ATRNL1: variants seen among roughly 807,000 people sequenced by gnomAD.
ATRNL1 encodes attractin-like protein 1.
ATRNL1 carries 95 observed loss-of-function variants against 182.7 expected under a neutral mutation model. The observed-to-expected ratio is 0.52, with a 90% CI of 0.44 to 0.62. The LOEUF is 0.62. Ranked by LOEUF, ATRNL1 falls within the 20% of genes least tolerant of loss-of-function variation. The pLI, the probability that ATRNL1 is intolerant of heterozygous loss-of-function variation, is 0.00. For missense variants in ATRNL1, 1,471 were observed against 1,679.5 expected (o/e 0.88, Z 2.17); for synonymous variants, 576 against 568.3 (o/e 1.01, Z -0.19).
intron 24 of ATRNL1, among the ~76,000 whole-genome samples, chr10:115,509,305 C>A (rs1365453195): frequency 6.6e-6 from 1 of 151,986 alleles, no homozygotes; most frequent in Non-Finnish European, 1.5e-5. Context: ...TTCATGCCTG[C>A]TAACACAATA....
intron 24 of ATRNL1, among the ~76,000 whole-genome samples, chr10:115,486,300 A>G (rs759338339): frequency 6.3e-4 from 96 of 152,170 alleles, no homozygotes; most frequent in Non-Finnish European, 1.1e-3. Flanking sequence ...TTCTAGTTGC[A>G]GTTCCTTGAG....
chr10:115,774,109 C>T (rs1173894805), intron 27 of ATRNL1, among the ~76,000 whole-genome samples: 1 of 152,060 alleles, frequency 6.6e-6, no homozygotes, highest in Non-Finnish European at 1.5e-5. Context: ...CCAATAATTT[C>T]CCCAGCCCCA....
Position 115,394,739 on chromosome 10 carries a change from G to T in ATRNL1, c.3256G>T (p.Asp1086Tyr). The change falls in exon 20 of 29, where the codon GAC becomes TAC. Residue 1086 changes from aspartate (D) to tyrosine (Y), a missense_variant. Coordinates refer to ENST00000355044, the MANE Select transcript of ATRNL1 (RefSeq NM_207303.4). ...CFCTTKGIKGDQCQLCDSENR... is the reference protein window; with the variant it reads ...CFCTTKGIKGYQCQLCDSENR... ...CTGCACAACTAAAGGAATAAAAGGTGACCAATGCCAATTGTAAGTAAGAAT... is the reference window on the plus strand; with the variant it reads ...CTGCACAACTAAAGGAATAAAAGGTTACCAATGCCAATTGTAAGTAAGAAT... 2 of 1,599,764 alleles carry T rather than the reference G, an allele frequency of 1.3e-6. No homozygotes were observed. Among genetic ancestry groups the T allele is most frequent in the South Asian group, 2.3e-5 (2 of 88,760 alleles).
chr10:115,765,220 G>T (rs924498493), intron 27 of ATRNL1, among the ~76,000 whole-genome samples: 3 of 152,166 alleles, frequency 2.0e-5, no homozygotes, highest in South Asian at 2.1e-4. Context: ...ATATGGTCAG[G>T]GTAGCTTAGT....
At chr10:115,784,156 A>C (rs1409544864) in intron 27 of ATRNL1, among the ~76,000 whole-genome samples, 1 of 152,220 alleles carries the variant, frequency 6.6e-6, no homozygotes, top group African/African-American at 2.4e-5. Flanking sequence ...TTGGAATGAT[A>C]TGCCTTATAG....
intron 26 of ATRNL1, among the ~76,000 whole-genome samples, chr10:115,581,167 T>A (rs1315292845): frequency 1.3e-5 from 2 of 152,158 alleles, no homozygotes; most frequent in Non-Finnish European, 2.9e-5. Flanking sequence ...GACTAGTGTC[T>A]TTTAAGAAAT....
chr10:115,588,245 C>G (rs1240431742), intron 26 of ATRNL1, among the ~76,000 whole-genome samples: 2 of 152,144 alleles, frequency 1.3e-5, no homozygotes, highest in Admixed American at 6.5e-5. Flanking sequence ...CACCTCAGCT[C>G]TATGCCATGG....
intron 26 of ATRNL1, among the ~76,000 whole-genome samples, chr10:115,659,780 G>T (rs1285799478): frequency 6.6e-6 from 1 of 152,080 alleles, no homozygotes; most frequent in East Asian, 1.9e-4. Context: ...TAGACCCGCA[G>T]AGAGGGCTGA....
intron 8 of ATRNL1, among the ~76,000 whole-genome samples, chr10:115,176,623 G>GC: frequency 6.6e-6 from 1 of 152,124 alleles, no homozygotes; most frequent in East Asian, 1.9e-4. Context: ...GGCCTGAGCA[G>GC]CTGGAAAGAT....
intron 10 of ATRNL1, among the ~76,000 whole-genome samples, chr10:115,262,855 A>T (rs1383819348): frequency 6.6e-6 from 1 of 152,030 alleles, no homozygotes; most frequent in East Asian, 1.9e-4. Context: ...TTTAAGTCTG[A>T]TAGAACTACA....
chr10:115,561,176 A>G (rs782640904), intron 26 of ATRNL1, among the ~76,000 whole-genome samples: 15 of 152,222 alleles, frequency 9.9e-5, no homozygotes, highest in Non-Finnish European at 2.1e-4. Context: ...TTTTGTGCTT[A>G]AAAGACACCA....
intron 26 of ATRNL1, among the ~76,000 whole-genome samples, chr10:115,593,449 G>A (rs1856035112): frequency 3.3e-5 from 5 of 152,146 alleles, no homozygotes; most frequent in Admixed American, 2.6e-4. Context: ...CACATTTATG[G>A]CTAACTGATC....
At chr10:115,847,577 G>A (rs1342123901) in intron 27 of ATRNL1, among the ~76,000 whole-genome samples, 1 of 152,072 alleles carries the variant, frequency 6.6e-6, no homozygotes, top group Non-Finnish European at 1.5e-5. Context: ...CACTTAATTA[G>A]ATAAACTATG....
intron 24 of ATRNL1, among the ~76,000 whole-genome samples, chr10:115,481,109 A>G (rs1848743553): frequency 6.6e-6 from 1 of 150,702 alleles, no homozygotes; most frequent in African/African-American, 2.4e-5. Context: ...TAATAATCCC[A>G]TAGATATTTT....
intron 24 of ATRNL1, among the ~76,000 whole-genome samples, chr10:115,500,068 G>T (rs564238977): frequency 6.6e-6 from 1 of 152,094 alleles, no homozygotes; most frequent in Admixed American, 6.6e-5. Context: ...AGAAAATAGG[G>T]GGAGGAAGGG....
At chr10:115,273,517 C>A (rs1183825654) in intron 13 of ATRNL1, among the ~76,000 whole-genome samples, 2 of 152,088 alleles carry the variant, frequency 1.3e-5, no homozygotes, top group Non-Finnish European at 2.9e-5. Flanking sequence ...TGAATCCATA[C>A]ATAATTGCAC....
intron 24 of ATRNL1, among the ~76,000 whole-genome samples, chr10:115,517,673 G>T (rs1554984207): frequency 6.6e-6 from 1 of 151,604 alleles, no homozygotes; most frequent in Non-Finnish European, 1.5e-5. Context: ...ATTGCGTAAG[G>T]TTTCCTCCTA....
intron 26 of ATRNL1, among the ~76,000 whole-genome samples, chr10:115,626,317 T>A (rs920246796): frequency 2.6e-5 from 4 of 152,326 alleles, no homozygotes; most frequent in Middle Eastern, 3.4e-3. Flanking sequence ...TTATTATATA[T>A]GTTGCTCAGT....
At chr10:115,606,127 T>C (rs1856860951) in intron 26 of ATRNL1, among the ~76,000 whole-genome samples, 1 of 152,038 alleles carries the variant, frequency 6.6e-6, no homozygotes, top group African/African-American at 2.4e-5. Flanking sequence ...TTAGGGATGA[T>C]TTGGATTGTT....
Sources: gnomAD v4.1 joint callset for allele counts (sites outside exome capture counted in the v4.1 genomes callset) on GRCh38, gnomAD v4.1.1 for gene constraint, MANE v1.5 for transcripts, NCBI Gene and HGNC (gene_info 2026-07-23, HGNC 2026-07-21) for gene names.